Variants in PRKCI observed in about 807,000 individuals in gnomAD.
PRKCI encodes protein kinase C iota type.
In PRKCI, 43 loss-of-function variants were observed where a neutral mutation model predicts 84.0. That is an observed-to-expected ratio of 0.51 (90% CI 0.40 to 0.66). PRKCI has a LOEUF of 0.66. Ranked by LOEUF, PRKCI falls within the 30% of genes least tolerant of loss-of-function variation. The pLI is 0.00. For synonymous variants in PRKCI, 216 were observed against 234.4 expected (o/e 0.92, Z 0.72); for missense variants, 459 against 745.6 (o/e 0.62, Z 4.48).
chr3:170,304,974 C>T lies in PRKCI; in HGVS notation c.*1847C>T, dbSNP rs1734919743. ...AGTTTCTAGCTATATACTCTCTTTCCTTCAAATAACATAAGTCTGAAAGCA... is the reference window on the plus strand; with the variant it reads ...AGTTTCTAGCTATATACTCTCTTTCTTTCAAATAACATAAGTCTGAAAGCA... On this transcript the variant is annotated 3_prime_UTR_variant, in exon 18 of 18. Transcript: ENST00000295797. The T allele has an allele frequency of 6.6e-6, 1 of 152,032 alleles. No homozygotes were observed. Among genetic ancestry groups the T allele is most frequent in the African/African-American group, 2.4e-5 (1 of 41,380 alleles). The allele number at this position is 152,032 out of a possible 1,614,324, so 9.4% of individuals were successfully genotyped here.
intron 8 of PRKCI, among the ~76,000 whole-genome samples, chr3:170,275,694 A>G (rs984078214): frequency 6.6e-6 from 1 of 151,796 alleles, no homozygotes; most frequent in African/African-American, 2.4e-5. Context: ...TTTTTAAAAC[A>G]AAACAAATAA....
intron 2 of PRKCI, among the ~76,000 whole-genome samples, chr3:170,259,190 G>A (rs1733662579): frequency 6.6e-6 from 1 of 152,096 alleles, no homozygotes; most frequent in African/African-American, 2.4e-5. Context: ...TCTGTTTGCT[G>A]TATTTGGGAT....
chr3:170,242,081 C>A (rs144950553), intron 2 of PRKCI, among the ~76,000 whole-genome samples: 1 of 152,256 alleles, frequency 6.6e-6, no homozygotes, highest in East Asian at 1.9e-4. Flanking sequence ...TGCACTCTAG[C>A]CTGGGCAACA....
At chr3:170,278,693 C>T (rs1020399506) in intron 8 of PRKCI, among the ~76,000 whole-genome samples, 1 of 152,140 alleles carries the variant, frequency 6.6e-6, no homozygotes, top group Non-Finnish European at 1.5e-5. Flanking sequence ...TAAAGGAATA[C>T]CTAAGGCTGG....
chr3:170,296,536 T>A (rs762791371), intron 15 of PRKCI, among the ~76,000 whole-genome samples: 4 of 152,116 alleles, frequency 2.6e-5, no homozygotes, highest in Non-Finnish European at 4.4e-5. Context: ...GATCTAGGAG[T>A]GTGGTCTTGG....
chr3:170,248,467 A>G (rs1733350355), intron 2 of PRKCI, among the ~76,000 whole-genome samples: 1 of 152,200 alleles, frequency 6.6e-6, no homozygotes, highest in Non-Finnish European at 1.5e-5. Flanking sequence ...TTCCTGCTCT[A>G]GGATGTGAAT....
chr3:170,265,358 T>C (rs769589100), intron 4 of PRKCI, among the ~76,000 whole-genome samples: 82 of 152,308 alleles, frequency 5.4e-4, no homozygotes, highest in Middle Eastern at 6.8e-3. Context: ...TAACGGAATT[T>C]CTTTGGAATA....
In PRKCI at chr3:170,222,591, A is replaced by G. The variant is rs1732514882; in HGVS notation, c.-79A>G. On this transcript the variant is annotated 5_prime_UTR_variant, in exon 1 of 18. Coordinates refer to ENST00000295797, the MANE Select transcript of PRKCI (RefSeq NM_002740.6). ...ACGGCCGCGGTTCTCCGGCAAGCGCAGGCGGCGGAGTCCCCCACGGCGCCC... is the reference window on the plus strand; with the variant it reads ...ACGGCCGCGGTTCTCCGGCAAGCGCGGGCGGCGGAGTCCCCCACGGCGCCC... 8.9e-6 allele frequency: 11 copies of G among 1,242,244 alleles called. No individual in the cohort carries two copies. The South Asian group carries it at 1.5e-4, about 17-fold the overall frequency. 77.0% of individuals were successfully genotyped at this position (1,242,244 alleles called of 1,614,324 possible).
At chr3:170,269,889 C>T (rs913732169) in intron 5 of PRKCI, among the ~76,000 whole-genome samples, 1 of 151,476 alleles carries the variant, frequency 6.6e-6, no homozygotes, top group East Asian at 1.9e-4. Flanking sequence ...ACCCGGGAGG[C>T]GGAGGTTGCG....
At chr3:170,227,780 AAG>A in intron 1 of PRKCI, among the ~76,000 whole-genome samples, 1 of 152,336 alleles carries the variant, frequency 6.6e-6, no homozygotes, top group South Asian at 2.1e-4. Context: ...AATTCTAAGT[AAG>A]AGAAATACAT....
rs1047252552 is a variant in PRKCI, at chr3:170,304,286, A to G, written c.*1159A>G. 3.9e-4 allele frequency: 59 copies of G among 152,292 alleles called. No homozygotes were observed. Among genetic ancestry groups the G allele is most frequent in the African/African-American group, 1.3e-3 (53 of 41,552 alleles). The allele number at this position is 152,292 out of a possible 1,614,324, so 9.4% of individuals were successfully genotyped here. ...TACACTGGTAATATTTTTATTTCCT[A>G]TTGGAGAGTGAATCCCCACAGTTGC... On this transcript the variant is annotated 3_prime_UTR_variant, in exon 18 of 18. Transcript: ENST00000295797.
At chr3:170,228,646 C>T (rs1365412101) in intron 1 of PRKCI, among the ~76,000 whole-genome samples, 2 of 149,802 alleles carry the variant, frequency 1.3e-5, no homozygotes, top group Non-Finnish European at 3.0e-5. Context: ...CACACATATA[C>T]ATACACACAC....
In PRKCI at chr3:170,293,419, T is replaced by C; in HGVS notation, c.1328T>C (p.Met443Thr). 1.9e-6 allele frequency: 3 copies of C among 1,613,624 alleles called. No homozygotes were observed. Among genetic ancestry groups the C allele is most frequent in the Non-Finnish European group, 2.5e-6 (3 of 1,179,658 alleles). Residue 443 changes from methionine to threonine, a missense_variant, in exon 14 of 18, where the codon ATG (methionine) becomes ACG (threonine). Met to Thr is a moderately conservative substitution (Grantham distance 81). Transcript: ENST00000295797. ...SVDWWALGVLMFEMMAGRSPF... is the reference protein window; with the variant it reads ...SVDWWALGVLTFEMMAGRSPF... ...GACTGGTGGGCTCTTGGAGTGCTCA[T>C]GTTTGAGATGATGGCAGGAAGGTCT...
intron 12 of PRKCI, among the ~76,000 whole-genome samples, chr3:170,291,247 T>G (rs1292557590): frequency 6.6e-6 from 1 of 152,224 alleles, no homozygotes; most frequent in Non-Finnish European, 1.5e-5. Context: ...TCATGAAATA[T>G]GCCTTATTCT....
At chr3:170,284,268 T>TTTTCA (rs1291395482) in intron 11 of PRKCI, among the ~76,000 whole-genome samples, 193 bp from the exon 12 acceptor site, 3 of 152,204 alleles carry the variant, frequency 2.0e-5, no homozygotes, top group Non-Finnish European at 4.4e-5. Context: ...TGAGTTTAAG[T>TTTTCA]TAGACAGGAA....
intron 16 of PRKCI, among the ~76,000 whole-genome samples, chr3:170,297,793 C>CA (rs1393590975): frequency 1.3e-5 from 2 of 151,902 alleles, no homozygotes; most frequent in East Asian, 3.9e-4. Context: ...GCTAACATAT[C>CA]ACAGCTTTAA....
Position 170,240,858 on chromosome 3 carries a change from T to A in PRKCI, c.223+5507T>A, listed in dbSNP as rs537956583. On this transcript the variant is annotated intron_variant, in intron 2 of 17. Coordinates refer to ENST00000295797, the MANE Select transcript of PRKCI (RefSeq NM_002740.6). ...CCTTTTTCCTTGTACTCAAAACCAG[T>A]CTTAGTGATTTGTTTTACTGTGGAA... 3.9e-5 allele frequency among the ~76,000 whole-genome samples: 6 copies of A among 152,310 alleles called. No homozygotes were observed. In the South Asian group the frequency reaches 1.2e-3, roughly 32 times the overall value.
chr3:170,261,275 T>C (rs1733719605), intron 3 of PRKCI, among the ~76,000 whole-genome samples: 1 of 151,874 alleles, frequency 6.6e-6, no homozygotes, highest in South Asian at 2.1e-4. Flanking sequence ...AAGAACCTCT[T>C]AATATACTGC....
chr3:170,279,931 T>TA (rs1182948575), intron 8 of PRKCI, among the ~76,000 whole-genome samples: 2 of 152,154 alleles, frequency 1.3e-5, no homozygotes, highest in Admixed American at 6.5e-5. Context: ...CCTGCATCTC[T>TA]ATTGCCTCTG....
Sources: allele counts gnomAD v4.1 joint callset (sites outside exome capture counted in the v4.1 genomes callset), GRCh38; gene constraint gnomAD v4.1.1; transcripts MANE v1.5; gene names NCBI Gene and HGNC (gene_info 2026-07-23, HGNC 2026-07-21).